Variants in POU2F1 observed in about 807,000 individuals in gnomAD.
POU2F1 encodes the protein POU domain, class 2, transcription factor 1.
A neutral mutation model predicts 84.9 loss-of-function variants in POU2F1; 16 were observed. The observed-to-expected ratio is 0.19, with a 90% CI of 0.13 to 0.29. The LOEUF is 0.29. Among genes scored for constraint, POU2F1 ranks in the 10% least tolerant of loss-of-function variants. POU2F1 has a pLI of 1.00. For missense variants in POU2F1, 738 were observed against 942.6 expected, an observed-to-expected ratio of 0.78 and a Z score of 2.84; for synonymous variants, 368 against 368.3, an observed-to-expected ratio of 1.00 and a Z score of 0.01.
rs1386619921 is a variant in POU2F1, at chr1:167,332,488, C to T, written c.80C>T (p.Pro27Leu). Residue 27 changes from proline to leucine, a missense_variant, in exon 2 of 16, where the codon CCG becomes CTG. Physicochemically the swap from Pro to Leu is moderately conservative, Grantham distance 98 (BLOSUM62 -3). Transcript: ENST00000367866. ...AAAADSRMNN[P>L]SETSKPSMES... ...ATTGCAGACTCAAGAATGAACAATC[C>T]GTCAGAAACCAGTAAACCATCTATG... The T allele has an allele frequency of 4.3e-6, 7 of 1,609,964 alleles. No individual in the cohort carries two copies. Among genetic ancestry groups the T allele is most frequent in the East Asian group, 2.2e-5 (1 of 44,794 alleles).
chr1:167,338,388 G>A (rs79509563), intron 2 of POU2F1: 4,836 of 361,356 alleles, frequency 0.013, 185 homozygotes, highest in African/African-American at 0.087. Context: ...GTCAACAGTA[G>A]GCTATTAGTA....
intron 1 of POU2F1, among the ~76,000 whole-genome samples, chr1:167,289,230 A>G (rs996207065): frequency 6.6e-6 from 1 of 152,112 alleles, no homozygotes; most frequent in Non-Finnish European, 1.5e-5. Context: ...CCCTGACGTA[A>G]TATTTATTGA....
intron 2 of POU2F1, among the ~76,000 whole-genome samples, chr1:167,334,531 G>A (rs981176906): frequency 6.6e-6 from 1 of 152,092 alleles, no homozygotes; most frequent in Non-Finnish European, 1.5e-5. Context: ...TCCCCATGAA[G>A]TGCAATAAAA....
At chr1:167,343,559 T>C (rs964794597) in intron 2 of POU2F1, among the ~76,000 whole-genome samples, 17 of 150,686 alleles carry the variant, frequency 1.1e-4, no homozygotes, top group Admixed American at 8.0e-4. Flanking sequence ...AAAACTAGAC[T>C]ACATTATTCT....
intron 1 of POU2F1, among the ~76,000 whole-genome samples, chr1:167,273,767 G>A (rs1426304244): frequency 1.3e-5 from 2 of 152,236 alleles, no homozygotes. Flanking sequence ...CACGTTATGA[G>A]TAGTGTATGG....
intron 2 of POU2F1, among the ~76,000 whole-genome samples, chr1:167,365,056 C>A (rs996209562): frequency 4.6e-5 from 7 of 152,190 alleles, no homozygotes; most frequent in African/African-American, 1.7e-4. Flanking sequence ...ATAAGTCTTT[C>A]TTGCTCTTGG....
At chr1:167,328,372 C>G (rs1271799237) in intron 1 of POU2F1, among the ~76,000 whole-genome samples, 2 of 152,198 alleles carry the variant, frequency 1.3e-5, no homozygotes, top group African/African-American at 2.4e-5. Flanking sequence ...GTGGGACTTT[C>G]TCTTGACGGA....
intron 1 of POU2F1, among the ~76,000 whole-genome samples, chr1:167,304,784 C>G (rs35082585): frequency 0.1 from 15,703 of 152,180 alleles, 1,977 homozygotes; most frequent in African/African-American, 0.31. Context: ...GGGATATTTT[C>G]TGTGACTGAA....
intron 3 of POU2F1, among the ~76,000 whole-genome samples, chr1:167,366,315 A>C (rs370645818): frequency 6.6e-6 from 1 of 152,322 alleles, no homozygotes; most frequent in Non-Finnish European, 1.5e-5. Flanking sequence ...TTGGTGGTCT[A>C]TATGTGTTGA....
intron 1 of POU2F1, among the ~76,000 whole-genome samples, chr1:167,284,876 G>T (rs974282654): frequency 6.6e-6 from 1 of 152,172 alleles, no homozygotes; most frequent in Non-Finnish European, 1.5e-5. Context: ...TTGTTGAATT[G>T]AATTGAACCT....
intron 1 of POU2F1, among the ~76,000 whole-genome samples, chr1:167,330,064 G>C (rs561706159): frequency 1.3e-5 from 2 of 152,262 alleles, no homozygotes; most frequent in Non-Finnish European, 1.5e-5. Context: ...TTGATTTTTA[G>C]ATATATGGTG....
intron 1 of POU2F1, among the ~76,000 whole-genome samples, chr1:167,288,323 G>A (rs1007243203): frequency 2.6e-5 from 4 of 152,182 alleles, no homozygotes; most frequent in Non-Finnish European, 5.9e-5. Context: ...CAGTGGAATT[G>A]ACTTCATATT....
At chr1:167,383,273 C>A (rs1647701330) in intron 7 of POU2F1, among the ~76,000 whole-genome samples, 1 of 152,166 alleles carries the variant, frequency 6.6e-6, no homozygotes, top group South Asian at 2.1e-4. Flanking sequence ...AATTGAGCAT[C>A]TTCTACAAAC....
At chr1:167,279,926 C>G (rs1652998113) in intron 1 of POU2F1, among the ~76,000 whole-genome samples, 1 of 152,116 alleles carries the variant, frequency 6.6e-6, no homozygotes, top group African/African-American at 2.4e-5. Context: ...ATATTGTTGG[C>G]AGGGCATAGT....
intron 1 of POU2F1, among the ~76,000 whole-genome samples, chr1:167,309,419 C>T (rs1011338794): frequency 2.0e-5 from 3 of 152,050 alleles, no homozygotes; most frequent in Admixed American, 6.6e-5. Flanking sequence ...AACAGTGGTA[C>T]ACTTCACTCT....
At chr1:167,376,226 A>T in intron 7 of POU2F1, 71 bp downstream of exon 7, 2 of 1,470,916 alleles carry the variant, frequency 1.4e-6, no homozygotes, top group Non-Finnish European at 1.8e-6. Context: ...TGCATGAACT[A>T]CTATCATTTT....
intron 1 of POU2F1, among the ~76,000 whole-genome samples, chr1:167,299,099 G>T (rs1028206981): frequency 6.8e-6 from 1 of 146,314 alleles, no homozygotes; most frequent in Non-Finnish European, 1.5e-5. Context: ...GGAGGCGGAG[G>T]TTATGGTGAG....
intron 2 of POU2F1, among the ~76,000 whole-genome samples, chr1:167,336,981 C>T (rs978737204): frequency 6.6e-6 from 1 of 152,066 alleles, no homozygotes; most frequent in Non-Finnish European, 1.5e-5. Context: ...GCCTGACCAA[C>T]ATGGTGAAAC....
chr1:167,328,913 G>T, intron 1 of POU2F1: 1 of 426,060 alleles, frequency 2.3e-6, no homozygotes, highest in Non-Finnish European at 3.2e-6. Flanking sequence ...CCCTAATCAC[G>T]CGCATACTGA....
Sources: allele counts gnomAD v4.1 joint callset (sites outside exome capture counted in the v4.1 genomes callset), GRCh38; gene constraint gnomAD v4.1.1; transcripts MANE v1.5; gene names NCBI Gene and HGNC (gene_info 2026-07-23, HGNC 2026-07-21).